MYO1D: variants seen among roughly 807,000 people sequenced by gnomAD.
MYO1D encodes myosin ID.
A neutral mutation model predicts 122.0 loss-of-function variants in MYO1D; 83 were observed. That is an observed-to-expected ratio of 0.68 (90% CI 0.57 to 0.82). The LOEUF is 0.82. Among genes scored for constraint, MYO1D ranks in the 40% least tolerant of loss-of-function variants. The pLI is 0.00. For missense variants in MYO1D, 1,157 were observed against 1,269.5 expected (o/e 0.91, Z 1.35); for synonymous variants, 464 against 446.9 (o/e 1.04, Z -0.48).
intron 16 of MYO1D, chr17:32,684,073 C>G (rs548298228): frequency 6.5e-6 from 1 of 153,112 alleles, no homozygotes; most frequent in South Asian, 2.0e-4. Flanking sequence ...TTGCGCTTCC[C>G]AGGTGAGGCA....
chr17:32,597,901 G>A (rs1024038717), intron 21 of MYO1D, among the ~76,000 whole-genome samples: 1 of 145,808 alleles, frequency 6.9e-6, no homozygotes, highest in African/African-American at 2.5e-5. Flanking sequence ...AAGAAATCTC[G>A]TTTCAACTTC....
chr17:32,822,819 C>T (rs572205934), intron 1 of MYO1D, among the ~76,000 whole-genome samples: 5 of 151,536 alleles, frequency 3.3e-5, no homozygotes, highest in Admixed American at 6.6e-5. Context: ...GTCGGGCCTC[C>T]GGGGTCGACC....
At chr17:32,813,791 G>A (rs1419567885) in intron 1 of MYO1D, among the ~76,000 whole-genome samples, 2 of 152,160 alleles carry the variant, frequency 1.3e-5, no homozygotes, top group Non-Finnish European at 2.9e-5. Context: ...GCGTCCATGG[G>A]ATGCTTGATA....
chr17:32,694,840 A>G (rs1238593894), intron 16 of MYO1D, among the ~76,000 whole-genome samples: 1 of 151,642 alleles, frequency 6.6e-6, no homozygotes, highest in Non-Finnish European at 1.5e-5. Context: ...CCACACTACT[A>G]CCATCTTCCA....
intron 19 of MYO1D, among the ~76,000 whole-genome samples, chr17:32,653,050 G>A (rs2088417539): frequency 6.6e-6 from 1 of 152,004 alleles, no homozygotes; most frequent in African/African-American, 2.4e-5. Flanking sequence ...GCTAAGGCAG[G>A]AGAATGGCAT....
chr17:32,542,267 A>T (rs1910858414), intron 21 of MYO1D, among the ~76,000 whole-genome samples: 1 of 152,218 alleles, frequency 6.6e-6, no homozygotes, highest in Non-Finnish European at 1.5e-5. Flanking sequence ...AAAAAAGAAA[A>T]GAAAGCATTT....
intron 13 of MYO1D, among the ~76,000 whole-genome samples, chr17:32,744,123 A>T (rs1463808206): frequency 1.3e-5 from 2 of 151,978 alleles, no homozygotes; most frequent in African/African-American, 2.4e-5. Context: ...CTACCTTTCT[A>T]AAGTCACTCT....
At chr17:32,520,343 G>A (rs1910090941) in intron 21 of MYO1D, among the ~76,000 whole-genome samples, 1 of 152,146 alleles carries the variant, frequency 6.6e-6, no homozygotes, top group Admixed American at 6.5e-5. Flanking sequence ...AAGCAATAGC[G>A]ACTGGGCCCA....
intron 21 of MYO1D, among the ~76,000 whole-genome samples, chr17:32,503,011 GT>G (rs1293337402): frequency 6.6e-6 from 1 of 152,178 alleles, no homozygotes; most frequent in Non-Finnish European, 1.5e-5. Context: ...CGTTTCATCT[GT>G]TTCAAGCCAT....
At chr17:32,872,430 G>A (rs895396574) in intron 1 of MYO1D, among the ~76,000 whole-genome samples, 2 of 151,756 alleles carry the variant, frequency 1.3e-5, no homozygotes, top group African/African-American at 2.4e-5. Context: ...CCACCACCAC[G>A]CCTGGCTAAT....
chr17:32,605,332 TGCCTGTAGTCCCAGCTACTTGGGA>T, intron 20 of MYO1D, 91 bp from the exon 21 acceptor site: 5 of 1,245,544 alleles, frequency 4.0e-6, no homozygotes, highest in Non-Finnish European at 5.5e-6. Flanking sequence ...TGGTGGCATG[TGCCTGTAGTCCCAGCTACTTGGGA>T]GGCTGATACA....
At chr17:32,690,692 C>T (rs1443318073) in intron 16 of MYO1D, among the ~76,000 whole-genome samples, 1 of 152,124 alleles carries the variant, frequency 6.6e-6, no homozygotes, top group Non-Finnish European at 1.5e-5. Flanking sequence ...TCTCTTGCTC[C>T]TGCTCTTGCC....
At chr17:32,640,807 T>C (rs1374474344) in intron 19 of MYO1D, among the ~76,000 whole-genome samples, 2 of 152,008 alleles carry the variant, frequency 1.3e-5, no homozygotes, top group African/African-American at 4.8e-5. Flanking sequence ...TGTGAGGTTT[T>C]GTGAAAGTAA....
chr17:32,579,574 AT>A (rs1190471181), intron 21 of MYO1D, among the ~76,000 whole-genome samples: 1 of 152,174 alleles, frequency 6.6e-6, no homozygotes, highest in African/African-American at 2.4e-5. Flanking sequence ...TGAAATATAT[AT>A]TATACCTGTG....
At chr17:32,752,273 T>G (rs779246437) in intron 11 of MYO1D, among the ~76,000 whole-genome samples, 1 of 152,136 alleles carries the variant, frequency 6.6e-6, no homozygotes, top group Non-Finnish European at 1.5e-5. Context: ...ACCCAAAAAC[T>G]AACTTAAGAT....
chr17:32,731,711 C>T (rs552143166), intron 14 of MYO1D, among the ~76,000 whole-genome samples: 91 of 152,314 alleles, frequency 6.0e-4, no homozygotes, highest in African/African-American at 1.9e-3. Context: ...GTGGAAGCCC[C>T]GCCCCCTTCC....
At chr17:32,548,483 AG>A (rs1409304583) in intron 21 of MYO1D, among the ~76,000 whole-genome samples, 3 of 151,536 alleles carry the variant, frequency 2.0e-5, no homozygotes, top group African/African-American at 7.3e-5. Flanking sequence ...AAGGCAGAGG[AG>A]GGAAAATGAG....
chr17:32,557,317 A>C (rs1459014327), intron 21 of MYO1D, among the ~76,000 whole-genome samples: 2 of 151,086 alleles, frequency 1.3e-5, no homozygotes, highest in Non-Finnish European at 3.0e-5. Flanking sequence ...ATGGGGTTTC[A>C]CCATGTTGGC....
chr17:32,692,008 T>C (rs11655443), intron 16 of MYO1D, among the ~76,000 whole-genome samples: 3,637 of 152,308 alleles, frequency 0.024, 51 homozygotes, highest in Non-Finnish European at 0.036. Flanking sequence ...TTCAGTTTTC[T>C]AGTGAGGTAT....
Sources: allele counts gnomAD v4.1 joint callset (sites outside exome capture counted in the v4.1 genomes callset), GRCh38; gene constraint gnomAD v4.1.1; transcripts MANE v1.5; gene names NCBI Gene and HGNC (gene_info 2026-07-23, HGNC 2026-07-21).